Variants in TANC1 observed in about 807,000 individuals in gnomAD.
The protein encoded by TANC1 is tetratricopeptide repeat, ankyrin repeat and coiled-coil containing 1.
Under a neutral mutation model 149.7 loss-of-function variants are expected in TANC1, and 77 were observed. The ratio of observed to expected loss-of-function variants is 0.51; its 90% CI spans 0.43 to 0.62. The LOEUF (loss-of-function observed/expected upper bound fraction) is 0.62, where lower values mean the gene tolerates loss of function less well. Ranked by LOEUF, TANC1 falls within the 20% of genes least tolerant of loss-of-function variation. The probability of loss-of-function intolerance (pLI) is 0.00; values close to 1 mark genes in which losing one functional copy is unlikely to be tolerated. For synonymous variants in TANC1, 854 were observed against 925.0 expected, an observed-to-expected ratio of 0.92 and a Z score of 1.39; for missense variants, 1,985 against 2,321.8, an observed-to-expected ratio of 0.85 and a Z score of 2.98.
chr2:159,096,178 T>C (rs2046107816), intron 3 of TANC1, among the ~76,000 whole-genome samples: 2 of 152,200 alleles, frequency 1.3e-5, no homozygotes, highest in Admixed American at 6.5e-5. Context: ...ATTTACATTC[T>C]TTCCCTGCAC....
chr2:159,103,737 C>A (rs2046938391), intron 4 of TANC1, among the ~76,000 whole-genome samples: 1 of 96,322 alleles, frequency 1.0e-5, no homozygotes, highest in Non-Finnish European at 2.9e-5. Flanking sequence ...TGCAGATGTG[C>A]AAGCAAAGAC....
At position 159,225,675 on chromosome 2, in the gene TANC1, G is replaced by A. The variant is rs761142297; in HGVS notation, c.3812-13G>A. The A allele has an allele frequency of 4.3e-6, 7 of 1,612,190 alleles. No individual in the cohort carries two copies. In the African/African-American group the frequency reaches 8.0e-5, roughly 18 times the overall value. On this transcript the variant is annotated splice_polypyrimidine_tract_variant and intron_variant, in intron 23 of 26. Transcript: ENST00000263635. Reference sequence around the variant, plus strand: ...GCCTCTGAAGTGCCTCTGAATGCGTGTTTGTTTTGCAGGAAATGCTGCTTG... The same window carrying A: ...GCCTCTGAAGTGCCTCTGAATGCGTATTTGTTTTGCAGGAAATGCTGCTTG...
At chr2:159,033,419 T>C (rs1009538166) in intron 2 of TANC1, among the ~76,000 whole-genome samples, 2 of 152,160 alleles carry the variant, frequency 1.3e-5, no homozygotes, top group Non-Finnish European at 2.9e-5. Flanking sequence ...GTGTGGCTGA[T>C]GAAAATGCAG....
At chr2:159,123,207 TG>T (rs753730586) in intron 4 of TANC1, among the ~76,000 whole-genome samples, 3 of 152,164 alleles carry the variant, frequency 2.0e-5, no homozygotes, top group Non-Finnish European at 4.4e-5. Flanking sequence ...GGTGTGAGGA[TG>T]GGGCTGAAGA....
chr2:159,182,817 G>A (rs1031739676), intron 14 of TANC1, among the ~76,000 whole-genome samples: 2 of 144,566 alleles, frequency 1.4e-5, no homozygotes, highest in Non-Finnish European at 3.1e-5. Flanking sequence ...CCATTTTTAA[G>A]ATCCATCAGT....
chr2:158,979,459 A>G (rs559151116), intron 1 of TANC1, among the ~76,000 whole-genome samples: 1 of 151,830 alleles, frequency 6.6e-6, no homozygotes, highest in Non-Finnish European at 1.5e-5. Context: ...ACAGCACTGC[A>G]TTCTAGCCTT....
chr2:159,177,597 A>G (rs2052415), intron 13 of TANC1, among the ~76,000 whole-genome samples: 35,382 of 152,146 alleles, frequency 0.23, 5,321 homozygotes, highest in Non-Finnish European at 0.35. Context: ...GGAACCAGGA[A>G]TCTTACGTTC....
intron 2 of TANC1, among the ~76,000 whole-genome samples, chr2:159,015,126 A>G (rs1256756342): frequency 1.3e-5 from 2 of 152,084 alleles, no homozygotes; most frequent in Non-Finnish European, 2.9e-5. Flanking sequence ...TGAGGGGTCT[A>G]CCCCTACAGC....
intron 5 of TANC1, among the ~76,000 whole-genome samples, chr2:159,145,025 G>A (rs772747639): frequency 6.2e-5 from 9 of 146,218 alleles, no homozygotes; most frequent in Non-Finnish European, 1.1e-4. Context: ...TGAGGAGGAC[G>A]AGAATGGAGG....
intron 16 of TANC1, among the ~76,000 whole-genome samples, chr2:159,192,734 C>T (rs187401713): frequency 2.7e-3 from 410 of 152,300 alleles, no homozygotes; most frequent in Non-Finnish European, 4.1e-3. Context: ...ATTGCAGCCT[C>T]CACCTCCTGC....
chr2:159,196,810 T>C lies in TANC1; in HGVS notation c.3165+17T>C. On this transcript the variant is annotated intron_variant, in intron 18 of 26. Transcript: ENST00000263635. ...CACAGCTCGGTGAGTGGGGCAGGGG[T>C]TTCCCTCCTGGGAAACAAGAAGCTG... 6.3e-7 allele frequency: 1 copy of C among 1,583,358 alleles called. No individual in the cohort carries two copies. The highest frequency in any genetic ancestry group is 8.6e-7 in the Non-Finnish European group (1 of 1,168,788).
chr2:159,210,994 C>T (rs1354158666), intron 19 of TANC1, among the ~76,000 whole-genome samples: 1 of 152,256 alleles, frequency 6.6e-6, no homozygotes, highest in East Asian at 1.9e-4. Context: ...GCTCAGCCTC[C>T]CAAGTAGCTG....
intron 2 of TANC1, among the ~76,000 whole-genome samples, chr2:159,053,958 A>T (rs1227420270): frequency 6.6e-6 from 1 of 152,232 alleles, no homozygotes; most frequent in Non-Finnish European, 1.5e-5. Context: ...ACTGTACTGT[A>T]GATGTCTCTC....
At chr2:159,144,230 A>AT (rs1409861646) in intron 5 of TANC1, among the ~76,000 whole-genome samples, 2 of 152,168 alleles carry the variant, frequency 1.3e-5, no homozygotes, top group African/African-American at 2.4e-5. Context: ...GAATGGAGAA[A>AT]TAGTAAGTTT....
At chr2:159,191,893 C>T (rs2057471070) in intron 16 of TANC1, among the ~76,000 whole-genome samples, 1 of 152,036 alleles carries the variant, frequency 6.6e-6, no homozygotes, top group South Asian at 2.1e-4. Flanking sequence ...GGTGGAGGAC[C>T]TGCCAGGCTT....
chr2:159,184,068 A>T (rs958712215), intron 14 of TANC1, among the ~76,000 whole-genome samples: 7 of 152,198 alleles, frequency 4.6e-5, no homozygotes, highest in Non-Finnish European at 5.9e-5. Flanking sequence ...CTTTAGTTCA[A>T]ATCTCTGTTC....
At chr2:159,168,304 T>G (rs2054818868) in intron 8 of TANC1, among the ~76,000 whole-genome samples, 1 of 149,806 alleles carries the variant, frequency 6.7e-6, no homozygotes. Context: ...CTTTAATTTT[T>G]TTTTTTTTTT....
intron 2 of TANC1, among the ~76,000 whole-genome samples, chr2:159,025,382 A>G (rs752619088): frequency 1.3e-5 from 2 of 152,054 alleles, no homozygotes; most frequent in Admixed American, 6.5e-5. Context: ...CATACCATAC[A>G]TTAGATCTCT....
intron 4 of TANC1, among the ~76,000 whole-genome samples, chr2:159,114,093 C>T (rs2048007043): frequency 6.6e-6 from 1 of 152,156 alleles, no homozygotes; most frequent in African/African-American, 2.4e-5. Flanking sequence ...CCTATTGTAG[C>T]TTTTATTAAA....
Sources: allele counts gnomAD v4.1 joint callset (sites outside exome capture counted in the v4.1 genomes callset), GRCh38; gene constraint gnomAD v4.1.1; transcripts MANE v1.5; gene names NCBI Gene and HGNC (gene_info 2026-07-23, HGNC 2026-07-21).